The following KLF12 variants were observed in gnomAD, a reference collection of about 807,000 sequenced individuals.
KLF12 encodes the protein KLF transcription factor 12, also known as Krueppel-like factor 12.
KLF12 carries 9 observed loss-of-function variants against 37.8 expected under a neutral mutation model. The ratio of observed to expected loss-of-function variants is 0.24; its 90% confidence interval spans 0.14 to 0.42. KLF12 has a LOEUF of 0.42. Ranked by LOEUF, KLF12 falls within the 10% of genes least tolerant of loss-of-function variation. The probability of loss-of-function intolerance (pLI) is 1.00; values close to 1 mark genes in which losing one functional copy is unlikely to be tolerated. For synonymous variants in KLF12, 208 were observed against 202.1 expected (o/e 1.03, Z -0.25); for missense variants, 411 against 516.0 (o/e 0.80, Z 1.97).
At chr13:73,818,793 A>G (rs7983115) in intron 4 of KLF12, among the ~76,000 whole-genome samples, 99,220 of 152,164 alleles carry the variant, frequency 0.65, 33,674 homozygotes, top group Non-Finnish European at 0.75. Flanking sequence ...GAAGGTGTGA[A>G]GTGGCTGCCC....
the KLF12 span, among the ~76,000 whole-genome samples, chr13:74,272,395 C>T: frequency 6.6e-6 from 1 of 152,092 alleles, no homozygotes; most frequent in African/African-American, 2.4e-5. Context: ...GATGGTATAG[C>T]AAAACTTAAA....
intron 1 of KLF12, among the ~76,000 whole-genome samples, chr13:74,083,486 G>A (rs922249498): frequency 3.5e-5 from 5 of 141,470 alleles, no homozygotes; most frequent in African/African-American, 5.5e-5. Context: ...CAGCCTGGGC[G>A]ATAGGAGACA....
At chr13:74,146,454 T>C in the KLF12 span, among the ~76,000 whole-genome samples, 1 of 152,158 alleles carries the variant, frequency 6.6e-6, no homozygotes, top group Non-Finnish European at 1.5e-5. Flanking sequence ...AGTACAAAGC[T>C]TGAAAAAACT....
chr13:74,089,882 G>C (rs1041532390), intron 1 of KLF12, among the ~76,000 whole-genome samples: 1 of 150,060 alleles, frequency 6.7e-6, no homozygotes, highest in Non-Finnish European at 1.5e-5. Context: ...CTAAGATGAG[G>C]AATAAAATAC....
chr13:73,845,811 T>G lies in KLF12; in HGVS notation c.670+16A>C. On this transcript the variant is annotated intron_variant, in intron 4 of 7. Coordinates refer to ENST00000377669, the MANE Select transcript of KLF12 (RefSeq NM_007249.5). ...TCTAGTGCTGAAATAAATCAAGGCT[T>G]GTTTATGTCTCTTACCTTTGCCATG... is the stretch of plus-strand genomic sequence containing the variant. 1.3e-6 allele frequency: 2 copies of G among 1,599,840 alleles called. No homozygotes were observed. Among genetic ancestry groups the G allele is most frequent in the Non-Finnish European group, 8.5e-7 (1 of 1,171,886 alleles).
the KLF12 span, among the ~76,000 whole-genome samples, chr13:74,288,751 G>T: frequency 6.6e-6 from 1 of 152,180 alleles, no homozygotes; most frequent in African/African-American, 2.4e-5. Context: ...CAGCTACCCA[G>T]AAAAGAGCTG....
chr13:74,303,661 A>G, the KLF12 span, among the ~76,000 whole-genome samples: 1 of 152,172 alleles, frequency 6.6e-6, no homozygotes, highest in Non-Finnish European at 1.5e-5. Context: ...GGTATACAGT[A>G]GAGTACTATA....
chr13:74,100,189 T>C lies in KLF12; in HGVS notation c.-32+33550A>G, dbSNP rs749787494. Among the ~76,000 whole-genome samples, 12 of 152,222 alleles carry C rather than the reference T, an allele frequency of 7.9e-5. No individual in the cohort carries two copies. The South Asian group carries it at 1.5e-3, about 18-fold the overall frequency. The stretch of plus-strand genomic sequence containing the variant: ...AGTAAAATGATTAAGCAAATAAATA[T>C]GTTGAGGATAACAAGAGCCAGGCTT... On this transcript the variant is annotated intron_variant, in intron 1 of 7. Transcript: ENST00000377669.
intron 1 of KLF12, among the ~76,000 whole-genome samples, chr13:74,041,010 T>C (rs1265916844): frequency 1.3e-5 from 2 of 152,218 alleles, no homozygotes; most frequent in African/African-American, 2.4e-5. Context: ...CCGCAACAGT[T>C]GTCTAGGGTG....
the KLF12 span, among the ~76,000 whole-genome samples, chr13:74,241,441 G>C: frequency 1.8e-3 from 272 of 152,266 alleles, 2 homozygotes; most frequent in African/African-American, 5.6e-3. Flanking sequence ...ACAGAGGCAG[G>C]CAGGCCTCCT....
chr13:73,904,492 T>A (rs1056566941), intron 3 of KLF12, among the ~76,000 whole-genome samples: 2 of 134,340 alleles, frequency 1.5e-5, no homozygotes, highest in South Asian at 2.4e-4. Context: ...TTTTTTTTTT[T>A]ACTAATTCAG....
At chr13:74,163,903 AAAG>A in the KLF12 span, among the ~76,000 whole-genome samples, 81,336 of 149,858 alleles carry the variant, frequency 0.54, 24,237 homozygotes, top group East Asian at 0.87. Context: ...AATTAAAAAA[AAAG>A]AAATAGTGAC....
At chr13:73,817,271 T>C (rs1177246138) in intron 4 of KLF12, among the ~76,000 whole-genome samples, 2 of 141,980 alleles carry the variant, frequency 1.4e-5, no homozygotes, top group African/African-American at 5.4e-5. Context: ...TGAGCTACGA[T>C]CACACCACTG....
intron 1 of KLF12, among the ~76,000 whole-genome samples, chr13:74,099,023 A>G (rs1876147387): frequency 6.6e-6 from 1 of 152,142 alleles, no homozygotes; most frequent in Non-Finnish European, 1.5e-5. Context: ...GGACATATAT[A>G]CATCATTATC....
the KLF12 span, among the ~76,000 whole-genome samples, chr13:74,189,856 C>T: frequency 6.6e-6 from 1 of 151,970 alleles, no homozygotes; most frequent in Admixed American, 6.6e-5. Context: ...TTTTTAATGA[C>T]TTAAATGTTT....
intron 4 of KLF12, among the ~76,000 whole-genome samples, chr13:73,830,925 T>TGAAAATACATGATACAGTACTATA: frequency 6.7e-6 from 1 of 149,616 alleles, no homozygotes; most frequent in East Asian, 2.0e-4. Flanking sequence ...GCTAAAGAAA[T>TGAAAATACATGATACAGTACTATA]GAAAATACAT....
intron 5 of KLF12, among the ~76,000 whole-genome samples, chr13:73,802,437 T>C (rs1019351720): frequency 2.0e-5 from 3 of 152,156 alleles, no homozygotes; most frequent in African/African-American, 7.2e-5. Flanking sequence ...AAAAATCACC[T>C]TTTAGTTTTA....
chr13:74,056,913 C>A (rs1372020210), intron 1 of KLF12, among the ~76,000 whole-genome samples: 1 of 152,088 alleles, frequency 6.6e-6, no homozygotes, highest in African/African-American at 2.4e-5. Flanking sequence ...AGTGAAAAGA[C>A]CTGGAGAAAG....
chr13:73,890,447 A>T (rs9592947), intron 3 of KLF12, among the ~76,000 whole-genome samples: 265 of 152,264 alleles, frequency 1.7e-3, no homozygotes, highest in Middle Eastern at 0.01. Flanking sequence ...CTGTTATTTT[A>T]AAAAATCACC....
Sources: gnomAD v4.1 joint callset for allele counts (sites outside exome capture counted in the v4.1 genomes callset) on GRCh38, gnomAD v4.1.1 for gene constraint, MANE v1.5 for transcripts, NCBI Gene and HGNC (gene_info 2026-07-23, HGNC 2026-07-21) for gene names.